Variants in ZGRF1 observed in about 807,000 individuals in gnomAD.
The protein encoded by ZGRF1 is 5'-3' DNA helicase ZGRF1.
Under a neutral mutation model 203.5 loss-of-function variants are expected in ZGRF1, and 196 were observed. The ratio of observed to expected loss-of-function variants is 0.96; its 90% CI spans 0.86 to 1.08. The LOEUF is 1.08. Ranked by LOEUF, ZGRF1 falls within the 50% of genes least tolerant of loss-of-function variation. The probability of loss-of-function intolerance (pLI) is 0.00; values close to 1 mark genes in which losing one functional copy is unlikely to be tolerated. For missense variants in ZGRF1, 2,326 were observed against 2,416.3 expected (o/e 0.96, Z 0.78); for synonymous variants, 809 against 841.3 (o/e 0.96, Z 0.66).
Position 112,579,162 on chromosome 4 carries a change from G to A in ZGRF1, c.4438+2501C>T, listed in dbSNP as rs539829265. 1.2e-3 allele frequency among the ~76,000 whole-genome samples: 150 copies of A among 122,990 alleles called. 49 individuals are homozygous for A. The highest frequency in any genetic ancestry group is 2.2e-3 in the Non-Finnish European group (122 of 54,990). The allele number at this position is 122,990 out of a possible 152,430, so 80.7% of individuals were successfully genotyped here. ...AATCCAGCATATAAACAGAACCAAC[G>A]ACAAAAACCACATGATTATCTCAAT... On this transcript the variant is annotated intron_variant, in intron 16 of 27. Transcript: ENST00000505019.
intron 1 of ZGRF1, among the ~76,000 whole-genome samples, chr4:112,635,845 T>C (rs1032262956): frequency 3.3e-5 from 5 of 151,906 alleles, no homozygotes; most frequent in Non-Finnish European, 4.4e-5. Context: ...ATTTCACAAT[T>C]GCAAGATAAA....
In ZGRF1 at chr4:112,577,605, C is replaced by CA. The variant is rs1263641084; in HGVS notation, c.4438+4057dup. Among the ~76,000 whole-genome samples the CA allele has an allele frequency of 8.3e-5, 10 of 120,616 alleles. 3 individuals are homozygous for CA. The highest frequency in any genetic ancestry group is 6.6e-4 in the Admixed American group (7 of 10,542). The allele number at this position is 120,616 out of a possible 152,430, so 79.1% of individuals were successfully genotyped here. ...GAAGATCTACCAAGCAAATGGAAAA[C>CA]AAAAAAAGGCAAGGGTTGCAATCCT... is the stretch of plus-strand genomic sequence containing the variant. On this transcript the variant is annotated intron_variant, in intron 16 of 27. Coordinates refer to ENST00000505019, the MANE Select transcript of ZGRF1 (RefSeq NM_018392.5).
At chr4:112,612,075 C>A (rs747455982) in intron 7 of ZGRF1, among the ~76,000 whole-genome samples, 10 of 151,852 alleles carry the variant, frequency 6.6e-5, no homozygotes, top group Non-Finnish European at 1.2e-4. Context: ...AAGTGATTCT[C>A]CTGCCTCAGC....
intron 16 of ZGRF1, among the ~76,000 whole-genome samples, chr4:112,580,684 T>C (rs1746068694): frequency 1.3e-5 from 2 of 152,282 alleles, no homozygotes; most frequent in South Asian, 2.1e-4. Context: ...AAAATGCTCA[T>C]CATCACTGGC....
intron 19 of ZGRF1, among the ~76,000 whole-genome samples, chr4:112,560,082 T>G (rs1005892901): frequency 6.6e-6 from 1 of 152,174 alleles, no homozygotes; most frequent in African/African-American, 2.4e-5. Flanking sequence ...AGGGTGGATA[T>G]GACATAATTC....
intron 16 of ZGRF1, among the ~76,000 whole-genome samples, chr4:112,564,679 G>C (rs1742669960): frequency 6.6e-6 from 1 of 151,852 alleles, no homozygotes; most frequent in Non-Finnish European, 1.5e-5. Flanking sequence ...TGTATTACTT[G>C]TTTAATTTTT....
intron 8 of ZGRF1, 109 bp from the exon 9 acceptor site, chr4:112,606,200 A>T (rs1750748662): frequency 2.9e-6 from 2 of 694,480 alleles, no homozygotes; most frequent in African/African-American, 3.6e-5. Flanking sequence ...CTGTGAAAAC[A>T]CACTTGCCAT....
At chr4:112,607,578 T>A (rs983874091) in intron 8 of ZGRF1, among the ~76,000 whole-genome samples, 1 of 152,202 alleles carries the variant, frequency 6.6e-6, no homozygotes, top group African/African-American at 2.4e-5. Flanking sequence ...AAGAACACAC[T>A]GTTTTGAAAG....
intron 17 of ZGRF1, among the ~76,000 whole-genome samples, chr4:112,562,821 G>A (rs1742259491): frequency 6.6e-6 from 1 of 152,148 alleles, no homozygotes; most frequent in Non-Finnish European, 1.5e-5. Flanking sequence ...TATCACTTGT[G>A]CCACAGAGTA....
At chr4:112,561,505 G>A (rs1196876101) in intron 18 of ZGRF1, 1 of 152,496 alleles carries the variant, frequency 6.6e-6, no homozygotes, top group East Asian at 1.9e-4. Context: ...TGAAATCAAA[G>A]GATATTTATT....
chr4:112,549,359 CAT>C (rs894143833), intron 22 of ZGRF1, among the ~76,000 whole-genome samples: 26 of 152,322 alleles, frequency 1.7e-4, no homozygotes, highest in East Asian at 5.8e-4. Context: ...TCTATACACA[CAT>C]GTGTACATAC....
intron 3 of ZGRF1, among the ~76,000 whole-genome samples, chr4:112,625,292 A>C (rs888939372): frequency 6.6e-6 from 1 of 152,050 alleles, no homozygotes; most frequent in African/African-American, 2.4e-5. Context: ...CTGTCTATTT[A>C]AAAAAAGAAA....
intron 3 of ZGRF1, among the ~76,000 whole-genome samples, chr4:112,631,495 C>G (rs2047407158): frequency 6.6e-6 from 1 of 151,930 alleles, no homozygotes; most frequent in Admixed American, 6.6e-5. Context: ...CATGGTGAAA[C>G]CCCGTCTCTA....
rs2046726328 is a variant in ZGRF1, at chr4:112,612,606, A to C, written c.2603-18T>G. On this transcript the variant is annotated intron_variant, in intron 6 of 27. Transcript: ENST00000505019. Reference sequence around the variant, plus strand: ...TTTCCTCACTGTAATGGAGAAAAGAAATAATCATATCATTGTTATATATAG... The same window carrying C: ...TTTCCTCACTGTAATGGAGAAAAGACATAATCATATCATTGTTATATATAG... The C allele has an allele frequency of 6.6e-7, 1 of 1,510,942 alleles. No individual in the cohort carries two copies. The highest frequency in any genetic ancestry group is 9.2e-7 in the Non-Finnish European group (1 of 1,092,494). The allele number at this position is 1,510,942 out of a possible 1,614,324, so 93.6% of individuals were successfully genotyped here.
chr4:112,603,160 G>A (rs964576395), intron 10 of ZGRF1, among the ~76,000 whole-genome samples: 1 of 151,944 alleles, frequency 6.6e-6, no homozygotes. Context: ...TCTGCCTTTG[G>A]TAGCAACTAG....
In ZGRF1 at chr4:112,553,766, T is replaced by G; in HGVS notation, c.5346+69A>C. 5 of 1,329,824 alleles carry G rather than the reference T, an allele frequency of 3.8e-6. No homozygotes were observed. In the South Asian group the frequency reaches 5.8e-5, roughly 15 times the overall value. The allele number at this position is 1,329,824 out of a possible 1,614,324, so 82.4% of individuals were successfully genotyped here. ...TTTATTTAAAGGAAATATTATTTCA[T>G]CAACAGAAATAAGAGAATCTGAATG... On this transcript the variant is annotated intron_variant, in intron 22 of 27. Transcript: ENST00000505019.
chr4:112,585,899 C>T (rs535037701), intron 13 of ZGRF1, among the ~76,000 whole-genome samples, 174 bp from the exon 14 acceptor site: 15 of 145,032 alleles, frequency 1.0e-4, no homozygotes, highest in Admixed American at 9.6e-4. Flanking sequence ...TGTAACACTT[C>T]TAGTTAAAAA....
Position 112,541,220 on chromosome 4 carries a change from T to C in ZGRF1, c.5647A>G (p.Ile1883Val), listed in dbSNP as rs778116151. The change falls in exon 25 of 28, where the codon ATC (isoleucine) becomes GTC (valine). Residue 1883 changes from isoleucine (I) to valine (V), a missense_variant. Coordinates refer to ENST00000505019, the MANE Select transcript of ZGRF1 (RefSeq NM_018392.5). ...LRTQYRCHPA[I>V]SAIANDLFYK... ...AACAGATCATTAGCAATAGCACTGA[T>C]TGCAGGATGACAACGGTATTGAGTT... 3.7e-6 allele frequency: 6 copies of C among 1,609,916 alleles called. No homozygotes were observed. In the East Asian group the frequency reaches 6.7e-5, roughly 18 times the overall value.
At chr4:112,614,818 C>T (rs1306307525) in intron 6 of ZGRF1, among the ~76,000 whole-genome samples, 2 of 149,772 alleles carry the variant, frequency 1.3e-5, no homozygotes, top group Admixed American at 1.3e-4. Context: ...CAGAGCGAGA[C>T]TCTGTGTCAA....
Sources: gnomAD v4.1 joint callset for allele counts (sites outside exome capture counted in the v4.1 genomes callset) on GRCh38, gnomAD v4.1.1 for gene constraint, MANE v1.5 for transcripts, NCBI Gene and HGNC (gene_info 2026-07-23, HGNC 2026-07-21) for gene names.